CGGBP1: variants seen among roughly 807,000 people sequenced by gnomAD.
CGGBP1 encodes the protein CGG triplet repeat-binding protein 1.
A neutral mutation model predicts 11.4 loss-of-function variants in CGGBP1; 4 were observed. The observed-to-expected ratio is 0.35, with a 90% CI of 0.17 to 0.80. The LOEUF is 0.80. CGGBP1 is among the 30% of genes least tolerant of loss of function. The pLI, the probability that CGGBP1 is intolerant of heterozygous loss-of-function variation, is 0.52. For synonymous variants in CGGBP1, 76 were observed against 74.1 expected (o/e 1.03, Z -0.13); for missense variants, 135 against 202.1 (o/e 0.67, Z 2.01).
chr3:88,128,534 GAAA>G (rs1022432412), intron 2 of CGGBP1, among the ~76,000 whole-genome samples: 6 of 151,654 alleles, frequency 4.0e-5, no homozygotes, highest in African/African-American at 1.5e-4. Context: ...ACTGAAAGAA[GAAA>G]AAAAATTTTT....
upstream of CGGBP1, among the ~76,000 whole-genome samples, chr3:88,063,945 C>G (rs1157839981): frequency 1.3e-5 from 2 of 152,112 alleles, no homozygotes; most frequent in East Asian, 3.8e-4. Context: ...AACAACTTGT[C>G]CTAAATCCTA....
intron 2 of CGGBP1, among the ~76,000 whole-genome samples, chr3:88,079,166 T>C (rs1187078717): frequency 6.6e-6 from 1 of 152,094 alleles, no homozygotes; most frequent in Admixed American, 6.5e-5. Context: ...ATTAATATTA[T>C]CATCGAGTCA....
rs568832953 is a variant in CGGBP1 at position 88,139,136 on chromosome 3, G to A, written c.-229+1834C>T. 27 of 1,300,788 alleles carry A rather than the reference G, an allele frequency of 2.1e-5. No homozygotes were observed. The South Asian group carries it at 3.3e-4, about 16-fold the overall frequency. 80.6% of individuals were successfully genotyped at this position (1,300,788 alleles called of 1,614,324 possible). A position where few individuals can be genotyped will look rare whatever the true frequency, so the allele number is the denominator to read the frequency against. ...ATAATGCAGGTAATCTAAAAAGGAC[G>A]GAGGAACAGCAAGGTTTGGATGAAG... On this transcript the variant is annotated intron_variant, in intron 2 of 3. Transcript: ENST00000462901.
intron 2 of CGGBP1, among the ~76,000 whole-genome samples, chr3:88,116,080 A>G (rs553617073): frequency 6.6e-6 from 1 of 152,222 alleles, no homozygotes; most frequent in South Asian, 2.1e-4. Flanking sequence ...CCCTGCTTGT[A>G]ACAACAAGGG....
chr3:88,080,819 T>A (rs183445162), intron 2 of CGGBP1, among the ~76,000 whole-genome samples: 14 of 152,332 alleles, frequency 9.2e-5, no homozygotes, highest in African/African-American at 2.4e-4. Context: ...AACAGACAGA[T>A]TTGTTTTTAA....
chr3:88,090,402 A>G (rs1708568582), intron 2 of CGGBP1, among the ~76,000 whole-genome samples: 1 of 152,148 alleles, frequency 6.6e-6, no homozygotes, highest in Non-Finnish European at 1.5e-5. Context: ...AAAATGAAAA[A>G]ATTTTTAAAA....
chr3:88,140,973 A>G, exon 2 of CGGBP1: 7 of 1,613,418 alleles, frequency 4.3e-6, no homozygotes, highest in Non-Finnish European at 5.9e-6. Context: ...CACCTACTGT[A>G]ATGCAGAAGC....
intron 2 of CGGBP1, among the ~76,000 whole-genome samples, chr3:88,105,353 T>G (rs1244004944): frequency 6.6e-6 from 1 of 152,224 alleles, no homozygotes; most frequent in Non-Finnish European, 1.5e-5. Context: ...CAAATTCATT[T>G]TTTACAATTT....
intron 2 of CGGBP1, among the ~76,000 whole-genome samples, chr3:88,130,321 G>A (rs1176612269): frequency 3.3e-5 from 5 of 151,978 alleles, no homozygotes; most frequent in Admixed American, 6.6e-5. Context: ...AGAAAACTAG[G>A]TTTTATTTGC....
intron 2 of CGGBP1, chr3:88,096,091 C>A: frequency 6.3e-6 from 1 of 159,970 alleles, no homozygotes; most frequent in South Asian, 1.9e-4. Flanking sequence ...GGCAGACTGA[C>A]CTTCATTTTC....
intron 2 of CGGBP1, among the ~76,000 whole-genome samples, chr3:88,125,919 C>T (rs1486579943): frequency 6.6e-6 from 1 of 152,148 alleles, no homozygotes; most frequent in Non-Finnish European, 1.5e-5. Flanking sequence ...TTTTCTAAGT[C>T]CAGTTATACA....
At chr3:88,088,753 T>TGGATGG (rs1559701594) in intron 2 of CGGBP1, among the ~76,000 whole-genome samples, 24 of 118,184 alleles carry the variant, frequency 2.0e-4, no homozygotes, top group African/African-American at 6.6e-4. Flanking sequence ...TTTATGTATG[T>TGGATGG]ATGTATGTAT....
At chr3:88,061,230 ATTTG>A, upstream of CGGBP1, among the ~76,000 whole-genome samples, 2 of 152,246 alleles carry the variant, frequency 1.3e-5, no homozygotes, top group Admixed American at 1.3e-4. Flanking sequence ...AATCTATTTA[ATTTG>A]TTTGTTTTGC....
At chr3:88,126,199 A>T (rs753055554) in intron 2 of CGGBP1, 37 of 1,531,334 alleles carry the variant, frequency 2.4e-5, no homozygotes, top group African/African-American at 5.5e-5. Flanking sequence ...GAATCATTAG[A>T]GATGGTGGCC....
At chr3:88,121,789 C>T (rs1576322321) in intron 2 of CGGBP1, among the ~76,000 whole-genome samples, 1 of 152,092 alleles carries the variant, frequency 6.6e-6, no homozygotes, top group South Asian at 2.1e-4. Flanking sequence ...AGACCTTTTA[C>T]ATTTTTGTCT....
At chr3:88,090,771 A>G (rs1337508415) in intron 2 of CGGBP1, among the ~76,000 whole-genome samples, 1 of 152,188 alleles carries the variant, frequency 6.6e-6, no homozygotes, top group Non-Finnish European at 1.5e-5. Context: ...GGGGTGTCCA[A>G]TCTTATGGCT....
At chr3:88,100,772 G>C (rs1704369407) in intron 2 of CGGBP1, among the ~76,000 whole-genome samples, 1 of 151,938 alleles carries the variant, frequency 6.6e-6, no homozygotes, top group Non-Finnish European at 1.5e-5. Context: ...AGAACACTTG[G>C]ACACAGGAAG....
At chr3:88,136,247 A>G (rs1215384586) in intron 2 of CGGBP1, among the ~76,000 whole-genome samples, 2 of 152,234 alleles carry the variant, frequency 1.3e-5, no homozygotes, top group African/African-American at 2.4e-5. Context: ...ATATATTATT[A>G]TAGAAAGTTT....
chr3:88,107,350 T>G (rs1704805167), intron 2 of CGGBP1, among the ~76,000 whole-genome samples: 2 of 152,306 alleles, frequency 1.3e-5, no homozygotes, highest in South Asian at 4.1e-4. Context: ...TATTTACTGA[T>G]TTGCATCTTA....
Sources: allele counts gnomAD v4.1 joint callset (sites outside exome capture counted in the v4.1 genomes callset), GRCh38; gene constraint gnomAD v4.1.1; transcripts MANE v1.5; gene names NCBI Gene and HGNC (gene_info 2026-07-23, HGNC 2026-07-21).